The following TRAK1 variants were observed in gnomAD, a reference collection of about 807,000 sequenced individuals.
The protein encoded by TRAK1 is trafficking kinesin-binding protein 1.
In TRAK1, 33 loss-of-function variants were observed where a neutral mutation model predicts 92.1. The ratio of observed to expected loss-of-function variants is 0.36; its 90% CI spans 0.27 to 0.48. The LOEUF is 0.48. Ranked by LOEUF, TRAK1 falls within the 20% of genes least tolerant of loss-of-function variation. TRAK1 has a pLI of 0.99. For synonymous variants in TRAK1, 521 were observed against 517.3 expected (o/e 1.01, Z -0.10); for missense variants, 1,123 against 1,257.9 (o/e 0.89, Z 1.62).
intron 2 of TRAK1, among the ~76,000 whole-genome samples, chr3:42,142,895 C>T (rs576865437): frequency 6.6e-6 from 1 of 152,250 alleles, no homozygotes; most frequent in South Asian, 2.1e-4. Context: ...CATGGTAGTC[C>T]TTTTAAGATG....
intron 14 of TRAK1, chr3:42,217,931 C>G: frequency 4.1e-6 from 4 of 985,228 alleles, no homozygotes; most frequent in Non-Finnish European, 4.8e-6. Context: ...GAGAAAGATT[C>G]ATAAAGGCTA....
intron 1 of TRAK1, among the ~76,000 whole-genome samples, chr3:42,095,058 C>T (rs1705703841): frequency 6.6e-6 from 1 of 152,246 alleles, no homozygotes; most frequent in African/African-American, 2.4e-5. Flanking sequence ...CCCAGAAACA[C>T]TACCACAGAC....
At chr3:42,185,476 T>C (rs9680909) in intron 4 of TRAK1, among the ~76,000 whole-genome samples, 105,792 of 151,892 alleles carry the variant, frequency 0.7, 37,338 homozygotes, top group East Asian at 0.98. Context: ...GAAGGAATGA[T>C]GCTGATTTTC....
intron 3 of TRAK1, among the ~76,000 whole-genome samples, chr3:42,179,212 C>G (rs1033963742): frequency 2.6e-5 from 4 of 152,222 alleles, no homozygotes; most frequent in Non-Finnish European, 5.9e-5. Flanking sequence ...TGATAAGATT[C>G]ATGCCTGAGT....
At chr3:42,064,279 C>T (rs185163211) in intron 1 of TRAK1, among the ~76,000 whole-genome samples, 7 of 151,656 alleles carry the variant, frequency 4.6e-5, no homozygotes, top group East Asian at 1.9e-4. Flanking sequence ...GCCTGGGCAA[C>T]GTAGCAAGAC....
At chr3:42,137,367 T>C (rs1698083087) in intron 2 of TRAK1, among the ~76,000 whole-genome samples, 1 of 152,234 alleles carries the variant, frequency 6.6e-6, no homozygotes, top group African/African-American at 2.4e-5. Flanking sequence ...TGAATTTGGT[T>C]ATTTAAGAAG....
chr3:42,025,828 G>T (rs1387914210), intron 1 of TRAK1, among the ~76,000 whole-genome samples: 1 of 152,222 alleles, frequency 6.6e-6, no homozygotes, highest in Admixed American at 6.5e-5. Context: ...AAAGTCCGTG[G>T]CAGATGTTCT....
At chr3:42,055,091 T>C (rs1405165644) in intron 1 of TRAK1, among the ~76,000 whole-genome samples, 1 of 152,068 alleles carries the variant, frequency 6.6e-6, no homozygotes, top group Non-Finnish European at 1.5e-5. Flanking sequence ...AGCTAATTTT[T>C]GTATTTTTAG....
intron 2 of TRAK1, among the ~76,000 whole-genome samples, chr3:42,129,954 C>G (rs1696976124): frequency 6.6e-6 from 1 of 152,122 alleles, no homozygotes; most frequent in Admixed American, 6.5e-5. Flanking sequence ...GTTTCAAAAT[C>G]TGTCAGTAGC....
In TRAK1 at chr3:42,029,617, T is replaced by G. The variant is rs143772690; in HGVS notation, c.-519+15500T>G. ...CAGGCTGGAGTGCTGTGGTGTGATC[T>G]TAGCTCACTGCAACCTCTGCCTCCC... On this transcript the variant is annotated intron_variant, in intron 1 of 16. Transcript: ENST00000487159. 7.0e-3 allele frequency among the ~76,000 whole-genome samples: 1,060 copies of G among 151,524 alleles called. 7 individuals are homozygous for G. The highest frequency in any genetic ancestry group is 0.011 in the Non-Finnish European group (775 of 67,862).
At position 42,191,635 on chromosome 3, in the gene TRAK1, G is replaced by A; in HGVS notation, c.768G>A (p.Leu256=). 2 of 1,599,008 alleles carry A rather than the reference G, an allele frequency of 1.3e-6. No individual in the cohort carries two copies. The highest frequency in any genetic ancestry group is 1.7e-6 in the Non-Finnish European group (2 of 1,172,520). ...TGGTCAATGACTGCGTGAAGGAGCTGAGTATGTCCCCGCACTGCTGTCTTC... is the reference window on the plus strand; with the variant it reads ...TGGTCAATGACTGCGTGAAGGAGCTAAGTATGTCCCCGCACTGCTGTCTTC... The part of the protein sequence containing the change: ...QQLVNDCVKE[L]RDANVQIASI... The change falls in exon 7 of 16, where the codon CTG becomes CTA. Residue 256 remains leucine (L), a splice_region_variant and synonymous_variant. Coordinates refer to ENST00000327628, the MANE Select transcript of TRAK1 (RefSeq NM_001042646.3).
At position 42,091,525 on chromosome 3, in the gene TRAK1, T is replaced by C. The variant is rs371588367; in HGVS notation, c.56T>C (p.Leu19Pro). The change falls in exon 1 of 16, where the codon CTC (leucine) becomes CCC (proline). Residue 19 changes from leucine (L) to proline (P), a missense_variant. Leu to Pro is a moderately conservative substitution (Grantham distance 98). Around this residue, in one of 3 missense-constraint regions of TRAK1, gnomAD observed 686 missense variants for 747.6 expected, o/e 0.92. Transcript: ENST00000327628. The stretch of plus-strand genomic sequence containing the variant: ...GTCAGGGCTCAGCCTCTGCCAGGAC[T>C]CTGCCACGGCAAGCTCATTCGGACA... ...QPVRAQPLPG[L>P]CHGKLIRTNA... 5 of 1,613,414 alleles carry C rather than the reference T, an allele frequency of 3.1e-6. No individual in the cohort carries two copies. The highest frequency in any genetic ancestry group is 2.2e-5 in the East Asian group (1 of 44,866).
chr3:42,205,848 A>G (rs1708267344), intron 13 of TRAK1, among the ~76,000 whole-genome samples: 1 of 152,256 alleles, frequency 6.6e-6, no homozygotes, highest in African/African-American at 2.4e-5. Context: ...CGCAATGACC[A>G]TAGTCATGTT....
chr3:42,144,060 T>C (rs764589426), intron 2 of TRAK1, among the ~76,000 whole-genome samples: 1 of 152,200 alleles, frequency 6.6e-6, no homozygotes, highest in Non-Finnish European at 1.5e-5. Context: ...CAAGCTGTGC[T>C]CAATAATGTG....
chr3:42,192,287 A>G (rs1310526444), intron 7 of TRAK1, among the ~76,000 whole-genome samples: 1 of 152,232 alleles, frequency 6.6e-6, no homozygotes, highest in East Asian at 1.9e-4. Context: ...TACTACCAGT[A>G]ATTTGATTTG....
At chr3:42,204,229 A>C in intron 13 of TRAK1, 1 of 985,798 alleles carries the variant, frequency 1.0e-6, no homozygotes. Flanking sequence ...TTGTCACTCA[A>C]AGATCATTGG....
At position 42,142,088 on chromosome 3, in the gene TRAK1, C is replaced by T. The variant is rs148691990; in HGVS notation, c.286+16474C>T. On this transcript the variant is annotated intron_variant, in intron 2 of 15. Transcript: ENST00000327628. ...TGGAGGTTGCAGTGAGCTGAGATTG[C>T]GCCACTGCACTCCAGCCTGGGTGAC... Among the ~76,000 whole-genome samples, 15 of 152,220 alleles carry T rather than the reference C, an allele frequency of 9.9e-5. No individual in the cohort carries two copies. The East Asian group carries it at 2.7e-3, about 28-fold the overall frequency.
chr3:42,015,141 G>A (rs1228115870), intron 1 of TRAK1, among the ~76,000 whole-genome samples: 1 of 152,186 alleles, frequency 6.6e-6, no homozygotes, highest in Admixed American at 6.5e-5. Flanking sequence ...TGGACCTGGA[G>A]TGACAGATGG....
In TRAK1 at chr3:42,223,260, C is replaced by A. The variant is rs368156482; in HGVS notation, c.2385C>A (p.Pro795=). 1.9e-6 allele frequency: 3 copies of A among 1,614,150 alleles called. No homozygotes were observed. The African/African-American group carries it at 4.0e-5, about 22-fold the overall frequency. Residue 795 remains proline (P), a synonymous_variant, in exon 16 of 16, where the codon CCC becomes CCA. Transcript: ENST00000327628. This position sits in a 1 kb window ranked among gnomAD's most constrained non-coding sequence, Gnocchi z 6.1. ...TGCAGACACCCACATCCTCCCCACC[C>A]TCCTTTGAGTTCAAGTGCACGAGCC... ...SPMQTPTSSP[P]SFEFKCTSPP...
Sources: allele counts gnomAD v4.1 joint callset (sites outside exome capture counted in the v4.1 genomes callset), GRCh38; gene constraint gnomAD v4.1.1; regional missense constraint gnomAD v4.1.1; non-coding constraint Gnocchi (gnomAD v3.1); transcripts MANE v1.5; gene names NCBI Gene and HGNC (gene_info 2026-07-23, HGNC 2026-07-21).